TPP2: variants seen among roughly 807,000 people sequenced by gnomAD.
TPP2 encodes the protein tripeptidyl peptidase 2.
Under a neutral mutation model 155.9 loss-of-function variants are expected in TPP2, and 34 were observed. The observed-to-expected ratio is 0.22, with a 90% CI of 0.17 to 0.29. The LOEUF (loss-of-function observed/expected upper bound fraction) is 0.29, where lower values mean the gene tolerates loss of function less well. Among genes scored for constraint, TPP2 ranks in the 10% least tolerant of loss-of-function variants. The pLI, the probability that TPP2 is intolerant of heterozygous loss-of-function variation, is 1.00. For missense variants in TPP2, 1,028 were observed against 1,522.3 expected (o/e 0.68, Z 5.40); for synonymous variants, 510 against 529.4 (o/e 0.96, Z 0.50).
chr13:102,640,803 TACC>T (rs1882714589), intron 16 of TPP2, among the ~76,000 whole-genome samples: 1 of 151,896 alleles, frequency 6.6e-6, no homozygotes, highest in Non-Finnish European at 1.5e-5. Context: ...AGGCGTGTGC[TACC>T]ACGCCAGGCT....
rs865784215 is a variant in TPP2, at chr13:102,679,140, A to G, written c.*824A>G. On this transcript the variant is annotated 3_prime_UTR_variant, in exon 30 of 30. Transcript: ENST00000376052. ...CACTCTGGTACCTTAATTTTTTTTT[A>G]TAAATAATAAAAGTGAATATTGAAG... is the stretch of plus-strand genomic sequence containing the variant. 1 of 152,512 alleles carries G rather than the reference A, an allele frequency of 6.6e-6. No individual in the cohort carries two copies. The highest frequency in any genetic ancestry group is 1.5e-5 in the Non-Finnish European group (1 of 68,012). 9.4% of individuals were successfully genotyped at this position (152,512 alleles called of 1,614,324 possible).
intron 19 of TPP2, among the ~76,000 whole-genome samples, chr13:102,645,566 TAGTC>T (rs1440724904): frequency 6.6e-6 from 1 of 152,198 alleles, no homozygotes; most frequent in African/African-American, 2.4e-5. Flanking sequence ...TTAGGGACAA[TAGTC>T]AGTGACACGG....
At chr13:102,656,441 A>G (rs895727344) in intron 24 of TPP2, among the ~76,000 whole-genome samples, 8 of 152,078 alleles carry the variant, frequency 5.3e-5, no homozygotes, top group African/African-American at 1.9e-4. Context: ...TTTGCGTAAG[A>G]TATTACCTCT....
intron 25 of TPP2, 63 bp downstream of exon 25, chr13:102,657,270 T>C (rs1315713721): frequency 2.2e-6 from 3 of 1,394,118 alleles, no homozygotes; most frequent in East Asian, 2.4e-5. Flanking sequence ...ACTATAACAA[T>C]ATTGTGTATA....
intron 27 of TPP2, among the ~76,000 whole-genome samples, chr13:102,672,074 G>A (rs574742472): frequency 2.9e-4 from 44 of 152,126 alleles, no homozygotes; most frequent in Admixed American, 1.2e-3. Flanking sequence ...CCATTGCAGC[G>A]TTCCTCTCAT....
chr13:102,627,219 T>C, intron 7 of TPP2, 53 bp downstream of exon 7: 2 of 1,489,882 alleles, frequency 1.3e-6, no homozygotes, highest in Non-Finnish European at 1.8e-6. Context: ...TGATCTTGGA[T>C]ATTTTTAGGT....
At chr13:102,668,910 C>T (rs1884788047) in intron 27 of TPP2, among the ~76,000 whole-genome samples, 1 of 152,140 alleles carries the variant, frequency 6.6e-6, no homozygotes, top group African/African-American at 2.4e-5. Flanking sequence ...GAAGCTGCAT[C>T]ATCCAGGGCT....
At chr13:102,661,839 A>C (rs1324981013) in intron 25 of TPP2, among the ~76,000 whole-genome samples, 1 of 152,218 alleles carries the variant, frequency 6.6e-6, no homozygotes, top group Non-Finnish European at 1.5e-5. Flanking sequence ...TACAAAAATG[A>C]TGCAGACTTT....
chr13:102,638,168 A>G, intron 14 of TPP2, 71 bp from the exon 15 acceptor site: 1 of 1,365,418 alleles, frequency 7.3e-7, no homozygotes, highest in Non-Finnish European at 1.0e-6. Context: ...TTCTGTCAGT[A>G]GTTTAGACCT....
Position 102,635,612 on chromosome 13 carries a change from C to T in TPP2, c.1419C>T (p.Tyr473=), listed in dbSNP as rs758486404. The T allele has an allele frequency of 1.9e-6, 3 of 1,612,828 alleles. No individual in the cohort carries two copies. Among genetic ancestry groups the T allele is most frequent in the South Asian group, 1.1e-5 (1 of 91,072 alleles). ...GTCTGAAAGCTAATAACATTGACTA[C>T]ACAGTTCATTCAGTCAGAAGAGCTC... is the stretch of plus-strand genomic sequence containing the variant. ...LSGLKANNID[Y]TVHSVRRALE... Residue 473 remains tyrosine (Y), a synonymous_variant, in exon 12 of 30, where the codon TAC becomes TAT. Coordinates refer to ENST00000376052, the MANE Select transcript of TPP2 (RefSeq NM_001330588.2).
Position 102,649,104 on chromosome 13 carries a change from A to G in TPP2, c.2826A>G (p.Pro942=). ...GKKKSSNLTL[P]PKYNQPFFVT... is the part of the protein sequence containing the mutation. Reference sequence around the variant, plus strand: ...AGAAATCAAGCAATTTGACATTACCACCCAAATATAACCAGCCATTCTTTG... The same window carrying G: ...AGAAATCAAGCAATTTGACATTACCGCCCAAATATAACCAGCCATTCTTTG... Residue 942 remains proline (P), a synonymous_variant, in exon 22 of 30, where the codon CCA becomes CCG. Transcript: ENST00000376052. 1.2e-6 allele frequency: 2 copies of G among 1,612,480 alleles called. No individual in the cohort carries two copies. Among genetic ancestry groups the G allele is most frequent in the Non-Finnish European group, 1.7e-6 (2 of 1,179,520 alleles).
chr13:102,675,299 T>C (rs1361519208), intron 28 of TPP2, among the ~76,000 whole-genome samples: 2 of 152,194 alleles, frequency 1.3e-5, no homozygotes, highest in Non-Finnish European at 2.9e-5. Context: ...CTCAGTTATA[T>C]TTGGGAAACT....
intron 1 of TPP2, 89 bp downstream of exon 1, chr13:102,597,292 G>T: frequency 1.3e-6 from 1 of 751,550 alleles, no homozygotes; most frequent in Non-Finnish European, 1.9e-6. Context: ...GCAGGCCAAA[G>T]CCCCGCTCTG....
At chr13:102,669,594 T>C (rs1244813361) in intron 27 of TPP2, among the ~76,000 whole-genome samples, 1 of 152,230 alleles carries the variant, frequency 6.6e-6, no homozygotes, top group Non-Finnish European at 1.5e-5. Flanking sequence ...CATAACTGAT[T>C]AGGTTCTAGT....
At chr13:102,652,427 T>C (rs1186001848) in intron 24 of TPP2, among the ~76,000 whole-genome samples, 3 of 15,906 alleles carry the variant, frequency 1.9e-4, no homozygotes, top group Non-Finnish European at 3.3e-4. Flanking sequence ...TATATATATA[T>C]ATATATATAT....
At position 102,597,068 on chromosome 13, in the gene TPP2, C is replaced by T. The variant is rs146085226; in HGVS notation, c.30C>T (p.Phe10=). 26 of 1,612,120 alleles carry T rather than the reference C, an allele frequency of 1.6e-5. No homozygotes were observed. The African/African-American group carries it at 3.1e-4, about 19-fold the overall frequency. Residue 10 remains phenylalanine (F), a synonymous_variant, in exon 1 of 30, where the codon TTC becomes TTT. Transcript: ENST00000376052. The part of the protein sequence containing the change: MATAATEEP[F]PFHGLLPKKE... ...CCACCGCTGCGACTGAGGAGCCCTT[C>T]CCTTTTCACGGTCTCCTGCCGAAGA...
rs371549383 is a variant in TPP2 at position 102,663,616 on chromosome 13, AG to A, written c.3144-31del. The A allele has an allele frequency of 6.0e-4, 896 of 1,485,690 alleles. 6 individuals are homozygous for A. In the African/African-American group the frequency reaches 0.011, roughly 18 times the overall value. The allele number at this position is 1,485,690 out of a possible 1,614,324, so 92.0% of individuals were successfully genotyped here. On this transcript the variant is annotated intron_variant, in intron 25 of 29. Coordinates refer to ENST00000376052, the MANE Select transcript of TPP2 (RefSeq NM_001330588.2). ...ACAAATAGTCTTTTTAAAAGAAAAA[AG>A]TAAATATTTCTCTCCTTCTTACATA...
intron 1 of TPP2, among the ~76,000 whole-genome samples, chr13:102,602,133 C>T (rs960221844): frequency 5.9e-5 from 9 of 152,090 alleles, no homozygotes; most frequent in Admixed American, 3.3e-4. Context: ...GTATATCTTT[C>T]AAATTTCATA....
At chr13:102,614,946 C>A (rs927424443) in intron 3 of TPP2, among the ~76,000 whole-genome samples, 1 of 151,986 alleles carries the variant, frequency 6.6e-6, no homozygotes, top group Admixed American at 6.6e-5. Flanking sequence ...TAGTGACTAC[C>A]GTTTTAAGAA....
Sources: gnomAD v4.1 joint callset for allele counts (sites outside exome capture counted in the v4.1 genomes callset) on GRCh38, gnomAD v4.1.1 for gene constraint, MANE v1.5 for transcripts, NCBI Gene and HGNC (gene_info 2026-07-23, HGNC 2026-07-21) for gene names.